Variants in DPF3 observed in about 807,000 individuals in gnomAD.
DPF3 encodes zinc finger protein DPF3.
Under a neutral mutation model 56.8 loss-of-function variants are expected in DPF3, and 18 were observed. That is an observed-to-expected ratio of 0.32 (90% confidence interval 0.22 to 0.47). The LOEUF (loss-of-function observed/expected upper bound fraction) is 0.47. DPF3 is among the 20% of genes least tolerant of loss of function. DPF3 has a pLI of 1.00. For synonymous variants in DPF3, 188 were observed against 180.2 expected, an observed-to-expected ratio of 1.04 and a Z score of -0.35; for missense variants, 403 against 488.8, an observed-to-expected ratio of 0.82 and a Z score of 1.65.
chr14:72,824,450 T>C (rs1313213382), intron 1 of DPF3, among the ~76,000 whole-genome samples: 3 of 152,226 alleles, frequency 2.0e-5, no homozygotes, highest in African/African-American at 7.2e-5. Context: ...TCATCTCCTC[T>C]GGGAAGTTCT....
chr14:72,890,501 G>GATAATA (rs58089317), intron 1 of DPF3, among the ~76,000 whole-genome samples: 5,146 of 146,508 alleles, frequency 0.035, 122 homozygotes, highest in African/African-American at 0.059. Context: ...AAAAAATAAT[G>GATAATA]ATAATAATAA....
chr14:72,765,776 T>G (rs1399967060), intron 2 of DPF3, among the ~76,000 whole-genome samples: 1 of 152,086 alleles, frequency 6.6e-6, no homozygotes, highest in Non-Finnish European at 1.5e-5. Context: ...TGAAACCCCA[T>G]CTCTACTAAA....
At chr14:72,872,984 G>A (rs918427352) in intron 1 of DPF3, among the ~76,000 whole-genome samples, 20 of 152,292 alleles carry the variant, frequency 1.3e-4, no homozygotes, top group Admixed American at 9.1e-4. Context: ...AGAAAACCTA[G>A]GCAATACCAT....
chr14:72,748,649 G>A (rs1890427245), intron 3 of DPF3, among the ~76,000 whole-genome samples: 1 of 152,184 alleles, frequency 6.6e-6, no homozygotes, highest in South Asian at 2.1e-4. Flanking sequence ...AGAAAGAAAT[G>A]GTTGTGTGAG....
intron 7 of DPF3, chr14:72,679,430 T>C: frequency 6.5e-6 from 1 of 152,800 alleles, no homozygotes; most frequent in Non-Finnish European, 1.5e-5. Flanking sequence ...GCGGCCACGC[T>C]CGGTGCCCAC....
intron 1 of DPF3, among the ~76,000 whole-genome samples, chr14:72,785,834 A>G (rs1285006868): frequency 1.3e-5 from 2 of 152,232 alleles, no homozygotes; most frequent in Non-Finnish European, 2.9e-5. Flanking sequence ...GGACTTGAAG[A>G]GGCCCTGTGG....
In DPF3 at chr14:72,676,638, G is replaced by A. The variant is rs539356190; in HGVS notation, c.743-2270C>T. 3.3e-5 allele frequency among the ~76,000 whole-genome samples: 5 copies of A among 152,306 alleles called. No individual in the cohort carries two copies. The South Asian group carries it at 8.3e-4, about 25-fold the overall frequency. On this transcript the variant is annotated intron_variant, in intron 7 of 10. Coordinates refer to ENST00000556509, the MANE Select transcript of DPF3 (RefSeq NM_001280542.3). ...TTTTTCCCTAGCAGCTCTTGTGATAGTGAATAAGTCTCATGGCATCTGATG... is the reference window on the plus strand; with the variant it reads ...TTTTTCCCTAGCAGCTCTTGTGATAATGAATAAGTCTCATGGCATCTGATG...
At chr14:72,863,152 G>GTA (rs1885522170) in intron 1 of DPF3, among the ~76,000 whole-genome samples, 1 of 53,782 alleles carries the variant, frequency 1.9e-5, no homozygotes, top group Non-Finnish European at 3.4e-5. Flanking sequence ...ATATATGTGT[G>GTA]TGTGTGTGTG....
intron 7 of DPF3, among the ~76,000 whole-genome samples, chr14:72,690,488 G>A (rs568707510): frequency 9.9e-5 from 15 of 151,720 alleles, no homozygotes; most frequent in African/African-American, 2.7e-4. Context: ...ACACACACAC[G>A]CAGGTACACA....
chr14:72,691,809 C>T (rs1453820799), intron 7 of DPF3, among the ~76,000 whole-genome samples: 2 of 151,968 alleles, frequency 1.3e-5, no homozygotes, highest in East Asian at 1.9e-4. Context: ...ACTGTGCGAG[C>T]GGACAGGAGA....
intron 5 of DPF3, among the ~76,000 whole-genome samples, chr14:72,715,926 T>G (rs1888903366): frequency 1.3e-5 from 2 of 148,288 alleles, no homozygotes; most frequent in Non-Finnish European, 3.0e-5. Context: ...GAAGGATCTG[T>G]AGGTGCTGGC....
intron 8 of DPF3, among the ~76,000 whole-genome samples, chr14:72,647,604 T>C (rs891483163): frequency 6.6e-6 from 1 of 152,198 alleles, no homozygotes; most frequent in Non-Finnish European, 1.5e-5. Context: ...CTGATTCAAC[T>C]GGAGTAGTAG....
Position 72,612,430 on chromosome 14 carries a change from C to CTT in DPF3, c.*6865_*6866dup, listed in dbSNP as rs761333616. ...TCACATATCAGGCAGTGTTTCTGTCCTTTTTTTTTTTCTAGTACCTAATTT... is the reference window on the plus strand; with the variant it reads ...TCACATATCAGGCAGTGTTTCTGTCCTTTTTTTTTTTTTCTAGTACCTAATTT... On this transcript the variant is annotated 3_prime_UTR_variant, in exon 11 of 11. Transcript: ENST00000556509. The CTT allele has an allele frequency of 6.0e-5, 25 of 419,162 alleles. No homozygotes were observed. Among genetic ancestry groups the CTT allele is most frequent in the South Asian group, 7.5e-5 (4 of 53,046 alleles). The allele number at this position is 419,162 out of a possible 1,614,324, so 26.0% of individuals were successfully genotyped here. A position where few individuals can be genotyped will look rare whatever the true frequency, so the allele number is the denominator to read the frequency against.
chr14:72,860,545 C>T lies in DPF3; in HGVS notation c.32+33512G>A, dbSNP rs570767591. On this transcript the variant is annotated intron_variant, in intron 1 of 10. Coordinates refer to ENST00000556509, the MANE Select transcript of DPF3 (RefSeq NM_001280542.3). ...TGTTATACAAAATAGTGGTCCACTG[C>T]AGCTTAATTCTTTTTCTTTTTCTTT... is the stretch of plus-strand genomic sequence containing the variant. Among the ~76,000 whole-genome samples, 6 of 126,928 alleles carry T rather than the reference C, an allele frequency of 4.7e-5. No individual in the cohort carries two copies. The South Asian group carries it at 1.6e-3, about 33-fold the overall frequency. The allele number at this position is 126,928 out of a possible 152,430, so 83.3% of individuals were successfully genotyped here. A position where few individuals can be genotyped will look rare whatever the true frequency, so the allele number is the denominator to read the frequency against.
intron 1 of DPF3, among the ~76,000 whole-genome samples, chr14:72,853,692 C>T (rs1885073371): frequency 6.6e-6 from 1 of 152,042 alleles, no homozygotes; most frequent in South Asian, 2.1e-4. Context: ...GTCTCAAACT[C>T]CTGACCTTGT....
intron 1 of DPF3, among the ~76,000 whole-genome samples, chr14:72,795,299 T>A (rs199889765): frequency 3.6e-5 from 5 of 137,072 alleles, no homozygotes; most frequent in South Asian, 2.3e-4. Flanking sequence ...AAAAAAAATA[T>A]ATATATATAT....
At chr14:72,746,868 C>T (rs143304086) in intron 3 of DPF3, among the ~76,000 whole-genome samples, 36 of 152,370 alleles carry the variant, frequency 2.4e-4, no homozygotes, top group African/African-American at 8.4e-4. Context: ...TGGCAAACCG[C>T]TAGCCCTAGG....
intron 1 of DPF3, among the ~76,000 whole-genome samples, chr14:72,807,258 G>A (rs79150301): frequency 0.031 from 4,684 of 152,214 alleles, 248 homozygotes; most frequent in African/African-American, 0.11. Context: ...TAAAATATTT[G>A]TTTCTGTTTT....
intron 1 of DPF3, among the ~76,000 whole-genome samples, chr14:72,891,443 C>T (rs1031022277): frequency 6.6e-6 from 1 of 152,052 alleles, no homozygotes; most frequent in African/African-American, 2.4e-5. Flanking sequence ...CCATTCTCCC[C>T]GCTACCCCTC....
Sources: allele counts gnomAD v4.1 joint callset (sites outside exome capture counted in the v4.1 genomes callset), GRCh38; gene constraint gnomAD v4.1.1; transcripts MANE v1.5; gene names NCBI Gene and HGNC (gene_info 2026-07-23, HGNC 2026-07-21).